ADD2: variants seen among roughly 807,000 people sequenced by gnomAD.
ADD2 encodes beta-adducin.
Under a neutral mutation model 83.0 loss-of-function variants are expected in ADD2, and 23 were observed. That is an observed-to-expected ratio of 0.28 (90% CI 0.20 to 0.39). The LOEUF (loss-of-function observed/expected upper bound fraction) is 0.39. Among genes scored for constraint, ADD2 ranks in the 10% least tolerant of loss-of-function variants. ADD2 has a pLI of 1.00. For missense variants in ADD2, 758 were observed against 944.9 expected, an observed-to-expected ratio of 0.80 and a Z score of 2.59; for synonymous variants, 375 against 375.4, an observed-to-expected ratio of 1.00 and a Z score of 0.01.
At chr2:70,702,353 G>A (rs1249694838) in intron 4 of ADD2, among the ~76,000 whole-genome samples, 15 of 152,156 alleles carry the variant, frequency 9.9e-5, no homozygotes, top group African/African-American at 3.6e-4. Context: ...TTTTAGTAGA[G>A]ACAGGGTGTC....
At chr2:70,712,201 T>A (rs1270393417) in intron 2 of ADD2, among the ~76,000 whole-genome samples, 1 of 152,106 alleles carries the variant, frequency 6.6e-6, no homozygotes, top group Non-Finnish European at 1.5e-5. Flanking sequence ...CCCAGCACTT[T>A]GGGAGGCCGA....
chr2:70,687,593 AAAACAAAC>A (rs56727401), intron 9 of ADD2, among the ~76,000 whole-genome samples: 76,052 of 149,322 alleles, frequency 0.51, 20,344 homozygotes, highest in Non-Finnish European at 0.6. Flanking sequence ...CCCTCCCCTC[AAAACAAAC>A]AAACAAACAA....
At chr2:70,736,475 G>T (rs968948250) in intron 1 of ADD2, among the ~76,000 whole-genome samples, 4 of 152,178 alleles carry the variant, frequency 2.6e-5, no homozygotes, top group Non-Finnish European at 4.4e-5. Flanking sequence ...TACTGACTTA[G>T]AATTTTTAAG....
In ADD2 at chr2:70,753,868, T is replaced by C. The variant is rs1049510695; in HGVS notation, c.-154+14018A>G. ...CAAAATGTCCTCATGTTCTAATGCA[T>C]AGAGGCATAAATCACAAGAAAGTGC... On this transcript the variant is annotated intron_variant, in intron 1 of 15. Coordinates refer to ENST00000264436, the MANE Select transcript of ADD2 (RefSeq NM_001617.4). Among the ~76,000 whole-genome samples, 6 of 152,206 alleles carry C rather than the reference T, an allele frequency of 3.9e-5. No homozygotes were observed. The East Asian group carries it at 1.2e-3, about 29-fold the overall frequency.
intron 14 of ADD2, among the ~76,000 whole-genome samples, chr2:70,674,426 A>G (rs932004629): frequency 6.6e-6 from 1 of 152,224 alleles, no homozygotes. Context: ...GGCCTAAGCC[A>G]TATTTGTAGG....
At chr2:70,707,938 C>A (rs1158560385) in intron 2 of ADD2, among the ~76,000 whole-genome samples, 1 of 152,192 alleles carries the variant, frequency 6.6e-6, no homozygotes, top group Non-Finnish European at 1.5e-5. Flanking sequence ...TGGCTCCCTC[C>A]GGCCTTGCTC....
intron 4 of ADD2, among the ~76,000 whole-genome samples, chr2:70,700,555 A>C (rs1166096568): frequency 6.6e-6 from 1 of 152,110 alleles, no homozygotes; most frequent in Non-Finnish European, 1.5e-5. Context: ...AAATAACAAA[A>C]TAGAAAAGTT....
intron 1 of ADD2, among the ~76,000 whole-genome samples, chr2:70,745,178 C>T (rs1674118424): frequency 6.6e-6 from 1 of 151,778 alleles, no homozygotes; most frequent in African/African-American, 2.4e-5. Context: ...CCCAACTACT[C>T]GGGAAGCTGA....
At chr2:70,727,936 A>AAAG (rs1553378609) in intron 1 of ADD2, among the ~76,000 whole-genome samples, 1 of 144,508 alleles carries the variant, frequency 6.9e-6, no homozygotes, top group Non-Finnish European at 1.5e-5. Context: ...AATAAATAAA[A>AAAG]TGCAGAATTG....
At chr2:70,760,832 A>T (rs782741712) in intron 1 of ADD2, 3 of 152,264 alleles carry the variant, frequency 2.0e-5, no homozygotes, top group African/African-American at 7.2e-5. Flanking sequence ...AGTCATTACA[A>T]GGGAAAGAAA....
chr2:70,675,247 C>A (rs1454489767), intron 13 of ADD2: 1 of 1,006,042 alleles, frequency 9.9e-7, no homozygotes, highest in African/African-American at 1.7e-5. Context: ...CCACCACTGC[C>A]CTCCCCGCCC....
chr2:70,759,298 G>A (rs905010624), intron 1 of ADD2, among the ~76,000 whole-genome samples: 1 of 152,192 alleles, frequency 6.6e-6, no homozygotes, highest in African/African-American at 2.4e-5. Context: ...ATTTACTGCT[G>A]GGTGGAATAG....
intron 11 of ADD2, 38 bp downstream of exon 11, chr2:70,678,666 C>T (rs1553368879): frequency 3.3e-6 from 5 of 1,512,286 alleles, no homozygotes; most frequent in Non-Finnish European, 3.5e-6. Context: ...ATGCAGCCTG[C>T]CCCTCTCTGC....
chr2:70,692,621 G>A (rs1671102790), intron 6 of ADD2, 69 bp from the exon 7 acceptor site: 12 of 1,486,018 alleles, frequency 8.1e-6, no homozygotes, highest in Non-Finnish European at 1.1e-5. Context: ...CTCCCAGCTG[G>A]TGGGCCCAGC....
intron 15 of ADD2, among the ~76,000 whole-genome samples, chr2:70,672,281 T>C (rs971687035): frequency 6.6e-6 from 1 of 152,236 alleles, no homozygotes; most frequent in Non-Finnish European, 1.5e-5. Flanking sequence ...GTTTTCAACC[T>C]GGAACACACT....
intron 1 of ADD2, among the ~76,000 whole-genome samples, chr2:70,743,258 G>A (rs1383338174): frequency 1.3e-5 from 2 of 152,204 alleles, no homozygotes; most frequent in Admixed American, 6.5e-5. Flanking sequence ...ACAGTACTGT[G>A]CATGTGTAAT....
chr2:70,694,183 C>A (rs1671193612), intron 6 of ADD2, among the ~76,000 whole-genome samples: 1 of 152,186 alleles, frequency 6.6e-6, no homozygotes, highest in African/African-American at 2.4e-5. Context: ...TCTTCTGAAC[C>A]TAGAATAACC....
chr2:70,681,003 C>T (rs1227741045), intron 10 of ADD2, among the ~76,000 whole-genome samples: 1 of 152,076 alleles, frequency 6.6e-6, no homozygotes, highest in Non-Finnish European at 1.5e-5. Flanking sequence ...CTAAACTATC[C>T]TTGTAAAACT....
At chr2:70,748,763 T>C (rs1674362065) in intron 1 of ADD2, among the ~76,000 whole-genome samples, 1 of 152,228 alleles carries the variant, frequency 6.6e-6, no homozygotes, top group Non-Finnish European at 1.5e-5. Context: ...GTGGCAGCTA[T>C]ATGTCCAAAG....
Sources: allele counts gnomAD v4.1 joint callset (sites outside exome capture counted in the v4.1 genomes callset), GRCh38; gene constraint gnomAD v4.1.1; transcripts MANE v1.5; gene names NCBI Gene and HGNC (gene_info 2026-07-23, HGNC 2026-07-21).